The following CCDC180 variants were observed in gnomAD, a reference collection of about 807,000 sequenced individuals.
CCDC180 encodes coiled-coil domain containing 180.
Under a neutral mutation model 209.2 loss-of-function variants are expected in CCDC180, and 154 were observed. The observed-to-expected ratio is 0.74, with a 90% CI of 0.65 to 0.84. The LOEUF (loss-of-function observed/expected upper bound fraction) is 0.84. Among genes scored for constraint, CCDC180 ranks in the 40% least tolerant of loss-of-function variants. CCDC180 has a pLI of 0.00. For missense variants in CCDC180, 1,874 were observed against 1,997.3 expected (o/e 0.94, Z 1.18); for synonymous variants, 778 against 749.1 (o/e 1.04, Z -0.63).
At chr9:97,373,111 C>T (rs1827149819) in intron 34 of CCDC180, 2 of 152,190 alleles carry the variant, frequency 1.3e-5, no homozygotes, top group Non-Finnish European at 2.9e-5. Flanking sequence ...GAGACAGAGA[C>T]AGAGAGACAG....
intron 18 of CCDC180, among the ~76,000 whole-genome samples, chr9:97,336,959 CTGTT>C (rs1240518485): frequency 2.6e-5 from 4 of 152,126 alleles, no homozygotes; most frequent in African/African-American, 7.2e-5. Flanking sequence ...ATTTGGCTCT[CTGTT>C]TGTCTGTTAT....
chr9:97,357,863 C>T, intron 25 of CCDC180, 138 bp downstream of exon 25: 1 of 612,172 alleles, frequency 1.6e-6, no homozygotes, highest in Non-Finnish European at 2.8e-6. Flanking sequence ...TCTGAGCCTT[C>T]CTACTTAACC....
rs752720570 is a variant in CCDC180 at position 97,328,046 on chromosome 9, CAAAG to C, written c.1689_1692del (p.Glu565Ter). ...TATGAATGTTTTCACACCCTCCTGA[CAAAG>C]GAAGTGATGGAGTACCCAGCGATCA... On this transcript the variant is annotated frameshift_variant, in exon 16 of 37. Coordinates refer to ENST00000529487, the MANE Select transcript of CCDC180 (RefSeq NM_020893.6). LOFTEE classifies it high-confidence loss of function. The C allele has an allele frequency of 5.0e-6, 8 of 1,613,768 alleles. No individual in the cohort carries two copies. The highest frequency in any genetic ancestry group is 5.9e-6 in the Non-Finnish European group (7 of 1,179,922).
intron 18 of CCDC180, among the ~76,000 whole-genome samples, chr9:97,340,993 A>G (rs1206495625): frequency 6.6e-6 from 1 of 152,210 alleles, no homozygotes; most frequent in Non-Finnish European, 1.5e-5. Context: ...TCTAGATAGC[A>G]GTAGTAAATT....
At chr9:97,317,413 C>A (rs1833213977) in intron 9 of CCDC180, among the ~76,000 whole-genome samples, 185 bp downstream of exon 9, 2 of 152,238 alleles carry the variant, frequency 1.3e-5, no homozygotes, top group African/African-American at 2.4e-5. Context: ...TCTCTCCCCA[C>A]AGTGAGAAGC....
intron 4 of CCDC180, among the ~76,000 whole-genome samples, chr9:97,312,933 G>GGAAGTGCTATGGAAA (rs1159879824): frequency 6.6e-5 from 10 of 152,114 alleles, no homozygotes; most frequent in Admixed American, 2.0e-4. Flanking sequence ...CTACTATGCA[G>GGAAGTGCTATGGAAA]GAAGTGTTGG....
intron 9 of CCDC180, among the ~76,000 whole-genome samples, chr9:97,317,855 A>C (rs1315729595): frequency 6.6e-6 from 1 of 152,156 alleles, no homozygotes; most frequent in Non-Finnish European, 1.5e-5. Flanking sequence ...CAGGCATCCT[A>C]ATGGACCTGT....
At chr9:97,360,764 G>C (rs1826729312) in intron 26 of CCDC180, among the ~76,000 whole-genome samples, 1 of 152,068 alleles carries the variant, frequency 6.6e-6, no homozygotes, top group Admixed American at 6.5e-5. Context: ...CCACACGATG[G>C]GGTCTCCATT....
chr9:97,357,285 G>C (rs1015856626), intron 24 of CCDC180, among the ~76,000 whole-genome samples: 1 of 151,816 alleles, frequency 6.6e-6, no homozygotes, highest in Non-Finnish European at 1.5e-5. Context: ...TGCATCCTTA[G>C]GGTGCCTCGT....
chr9:97,320,431 C>T (rs1833321927), intron 11 of CCDC180, among the ~76,000 whole-genome samples: 1 of 152,150 alleles, frequency 6.6e-6, no homozygotes, highest in African/African-American at 2.4e-5. Context: ...TGACCCCTGA[C>T]CCCTGACCCA....
intron 4 of CCDC180, among the ~76,000 whole-genome samples, chr9:97,312,462 G>A (rs1335226646): frequency 1.3e-5 from 2 of 152,148 alleles, no homozygotes; most frequent in Non-Finnish European, 1.5e-5. Context: ...GATGCCACTC[G>A]TTTTCTTGCA....
chr9:97,350,342 C>G, intron 21 of CCDC180, 67 bp from the exon 22 acceptor site: 1 of 1,477,382 alleles, frequency 6.8e-7, no homozygotes, highest in Non-Finnish European at 9.1e-7. Context: ...ACCATCACCA[C>G]CTGCCCCTCC....
intron 22 of CCDC180, among the ~76,000 whole-genome samples, chr9:97,354,128 G>A (rs143816958): frequency 8.0e-4 from 121 of 151,070 alleles, no homozygotes; most frequent in African/African-American, 2.8e-3. Flanking sequence ...CTCCCAAGTA[G>A]TTGGAATCAC....
chr9:97,332,223 G>T (rs1309017085), intron 18 of CCDC180, among the ~76,000 whole-genome samples: 1 of 151,938 alleles, frequency 6.6e-6, no homozygotes, highest in Non-Finnish European at 1.5e-5. Flanking sequence ...TATTCCATTG[G>T]TCTGTGTGTC....
At chr9:97,309,926 G>T (rs1832928118) in intron 3 of CCDC180, among the ~76,000 whole-genome samples, 1 of 152,204 alleles carries the variant, frequency 6.6e-6, no homozygotes, top group Non-Finnish European at 1.5e-5. Flanking sequence ...AGGGGATGGG[G>T]CTATGGGACA....
chr9:97,352,100 G>A (rs1287382338), intron 22 of CCDC180, among the ~76,000 whole-genome samples: 3 of 150,136 alleles, frequency 2.0e-5, no homozygotes, highest in Non-Finnish European at 4.4e-5. Flanking sequence ...GAGACAGAGT[G>A]AGATTCCATC....
intron 19 of CCDC180, among the ~76,000 whole-genome samples, chr9:97,345,449 C>T (rs1465191444): frequency 6.6e-6 from 1 of 152,160 alleles, no homozygotes; most frequent in Admixed American, 6.5e-5. Flanking sequence ...ATGTATTCTC[C>T]TGATGAGTAT....
At chr9:97,362,668 G>T (rs1223796595) in intron 28 of CCDC180, among the ~76,000 whole-genome samples, 2 of 152,198 alleles carry the variant, frequency 1.3e-5, no homozygotes, top group African/African-American at 2.4e-5. Flanking sequence ...GTCATGGTTA[G>T]AAAGACGGGG....
intron 18 of CCDC180, among the ~76,000 whole-genome samples, chr9:97,337,612 G>A (rs1045625476): frequency 3.3e-5 from 5 of 152,262 alleles, no homozygotes; most frequent in African/African-American, 1.2e-4. Context: ...AGGGATATTG[G>A]TCTAAAATTC....
Sources: allele counts gnomAD v4.1 joint callset (sites outside exome capture counted in the v4.1 genomes callset), GRCh38; gene constraint gnomAD v4.1.1; transcripts MANE v1.5; gene names NCBI Gene and HGNC (gene_info 2026-07-23, HGNC 2026-07-21).